Variants in DNAH9 observed in about 807,000 individuals in gnomAD.
The protein encoded by DNAH9 is dynein axonemal heavy chain 9, also known as DNAH9 variant protein.
In DNAH9, 345 loss-of-function variants were observed where a neutral mutation model predicts 471.6. The ratio of observed to expected loss-of-function variants is 0.73; its 90% confidence interval spans 0.67 to 0.80. DNAH9 has a LOEUF of 0.80. DNAH9 is among the 30% of genes least tolerant of loss of function. The pLI, the probability that DNAH9 is intolerant of heterozygous loss-of-function variation, is 0.00. For synonymous variants in DNAH9, 2,093 were observed against 2,123.6 expected (o/e 0.99, Z 0.40); for missense variants, 5,407 against 5,609.2 (o/e 0.96, Z 1.15).
rs905085984 is a variant in DNAH9 at position 11,921,580 on chromosome 17, T to G, written c.11750-2234T>G. Among the ~76,000 whole-genome samples the G allele has an allele frequency of 6.6e-5, 10 of 152,238 alleles. No homozygotes were observed. The East Asian group carries it at 1.9e-3, about 30-fold the overall frequency. On this transcript the variant is annotated intron_variant, in intron 61 of 68. Coordinates refer to ENST00000262442, the MANE Select transcript of DNAH9 (RefSeq NM_001372.4). ...ATCTGAAGGTGAAATCCTGAGACAC[T>G]GGAGGGACTTGCTCAAGGCCCAATA...
intron 19 of DNAH9, among the ~76,000 whole-genome samples, chr17:11,681,472 G>A (rs114522365): frequency 6.6e-6 from 1 of 152,242 alleles, no homozygotes; most frequent in African/African-American, 2.4e-5. Flanking sequence ...ATTTCCTCCC[G>A]TGGTGAAGCG....
Position 11,690,061 on chromosome 17 carries a change from G to T in DNAH9, c.4239G>T (p.Leu1413=). The change falls in exon 20 of 69, where the codon CTG becomes CTT. Residue 1413 remains leucine, a synonymous_variant. Transcript: ENST00000262442. ...TTLAHLLQLQ[L]HHYEDEVRGI... is the part of the protein sequence containing the mutation. ...TAGCGCACCTGCTGCAGCTCCAGCT[G>T]CACCACTATGAGGATGAGGTCCGGG... The T allele has an allele frequency of 6.2e-7, 1 of 1,614,200 alleles. No homozygotes were observed. The highest frequency in any genetic ancestry group is 8.5e-7 in the Non-Finnish European group (1 of 1,180,020).
intron 36 of DNAH9, among the ~76,000 whole-genome samples, chr17:11,766,133 C>T (rs991144472): frequency 6.6e-6 from 1 of 152,120 alleles, no homozygotes; most frequent in Non-Finnish European, 1.5e-5. Context: ...CAGACCCCTA[C>T]ACTGCCTGCA....
intron 41 of DNAH9, among the ~76,000 whole-genome samples, chr17:11,789,790 T>G (rs188478851): frequency 6.6e-6 from 1 of 152,162 alleles, no homozygotes; most frequent in Non-Finnish European, 1.5e-5. Context: ...TCATTAATTG[T>G]CATCCTTTGT....
chr17:11,655,771 C>T (rs769951533), intron 14 of DNAH9, among the ~76,000 whole-genome samples: 4 of 151,872 alleles, frequency 2.6e-5, no homozygotes, highest in Non-Finnish European at 4.4e-5. Flanking sequence ...GAATGGAAAA[C>T]CAAACATTGT....
chr17:11,828,723 G>A (rs1191472077), intron 48 of DNAH9, among the ~76,000 whole-genome samples: 2 of 152,020 alleles, frequency 1.3e-5, no homozygotes, highest in African/African-American at 4.8e-5. Flanking sequence ...ATCTTTACAT[G>A]TACCCCCACC....
chr17:11,792,604 A>G (rs2150907409), intron 41 of DNAH9, among the ~76,000 whole-genome samples: 1 of 152,290 alleles, frequency 6.6e-6, no homozygotes, highest in African/African-American at 2.4e-5. Flanking sequence ...TTTGAAACCA[A>G]CCCTGTGGCA....
At chr17:11,911,817 A>G (rs1268139520) in intron 61 of DNAH9, among the ~76,000 whole-genome samples, 2 of 151,982 alleles carry the variant, frequency 1.3e-5, no homozygotes, top group African/African-American at 4.8e-5. Context: ...TATTCCCAAG[A>G]CTTTTTTCTT....
intron 8 of DNAH9, 54 bp from the exon 9 acceptor site, chr17:11,636,580 T>A (rs1276809166): frequency 2.0e-6 from 3 of 1,467,274 alleles, no homozygotes; most frequent in Non-Finnish European, 2.8e-6. Context: ...TGTATAACCA[T>A]GGAAAGGTTT....
At chr17:11,646,636 G>A (rs549122815) in intron 11 of DNAH9, among the ~76,000 whole-genome samples, 2 of 152,096 alleles carry the variant, frequency 1.3e-5, no homozygotes, top group Admixed American at 6.5e-5. Flanking sequence ...GGCTATGGCC[G>A]GGTGCAGTGG....
Position 11,647,052 on chromosome 17 carries a change from G to A in DNAH9, c.1971-20G>A, listed in dbSNP as rs767733962. 5.6e-6 allele frequency: 9 copies of A among 1,611,734 alleles called. No individual in the cohort carries two copies. The African/African-American group carries it at 9.4e-5, about 17-fold the overall frequency. ...CTGGGAGGGGGCTTATGAGGTGGCT[G>A]TTGTCTCTGACCCTTGCAGGTATGA... On this transcript the variant is annotated intron_variant, in intron 11 of 68. Transcript: ENST00000262442.
rs565651659 is a variant in DNAH9 at position 11,874,101 on chromosome 17, T to C, written c.10243-848T>C. Among the ~76,000 whole-genome samples the C allele has an allele frequency of 7.9e-5, 12 of 151,954 alleles. No homozygotes were observed. The East Asian group carries it at 2.3e-3, about 30-fold the overall frequency. On this transcript the variant is annotated intron_variant, in intron 52 of 68. Coordinates refer to ENST00000262442, the MANE Select transcript of DNAH9 (RefSeq NM_001372.4). ...CTCTACTAAAAACACAAAAATTAGC[T>C]GGGTGTGGTGGCAGGCACCTGTAAT...
At chr17:11,774,969 C>CATA (rs1369237491) in intron 38 of DNAH9, among the ~76,000 whole-genome samples, 1 of 151,986 alleles carries the variant, frequency 6.6e-6, no homozygotes, top group Non-Finnish European at 1.5e-5. Flanking sequence ...AAATAATGAA[C>CATA]ATAACCGTCA....
chr17:11,689,522 C>T (rs748397557), intron 19 of DNAH9, 44 bp from the exon 20 acceptor site: 2 of 1,534,640 alleles, frequency 1.3e-6, no homozygotes, highest in African/African-American at 1.4e-5. Flanking sequence ...AGGAGATGGG[C>T]CCCTGCGTGC....
At chr17:11,684,094 G>A (rs1405933173) in intron 19 of DNAH9, among the ~76,000 whole-genome samples, 1 of 152,096 alleles carries the variant, frequency 6.6e-6, no homozygotes, top group Non-Finnish European at 1.5e-5. Context: ...GTGAATTCAA[G>A]TTTGAGTTTA....
chr17:11,932,352 C>T lies in DNAH9; in HGVS notation c.12297+147C>T, dbSNP rs1974546838. 7.2e-6 allele frequency: 6 copies of T among 831,486 alleles called. No individual in the cohort carries two copies. Among genetic ancestry groups the T allele is most frequent in the South Asian group, 3.9e-5 (2 of 51,756 alleles). 51.5% of individuals were successfully genotyped at this position (831,486 alleles called of 1,614,324 possible). ...CCTCGTGATGCAGATGCTGCTGATT[C>T]GGGGACCATAATTTAAGAGTGTAAC... On this transcript the variant is annotated intron_variant, in intron 64 of 68. Transcript: ENST00000262442. This position sits in a 1 kb window ranked among gnomAD's most constrained non-coding sequence, Gnocchi z 4.3.
rs1027546916 is a variant in DNAH9 at position 11,892,178 on chromosome 17, C to G, written c.11283+231C>G. ...CATCATTGTACTTTTTCTTGCTGAT[C>G]CTGGAAGATCTAAGATCTTCCTCAG... On this transcript the variant is annotated intron_variant, in intron 58 of 68. Transcript: ENST00000262442. The surrounding 1 kb of genome is among the most constrained non-coding windows in gnomAD (Gnocchi z 4.3). Among the ~76,000 whole-genome samples the G allele has an allele frequency of 6.6e-6, 1 of 152,084 alleles. No individual in the cohort carries two copies. Among genetic ancestry groups the G allele is most frequent in the Non-Finnish European group, 1.5e-5 (1 of 68,024 alleles).
chr17:11,641,863 G>A (rs2073280140), intron 10 of DNAH9, among the ~76,000 whole-genome samples: 1 of 152,158 alleles, frequency 6.6e-6, no homozygotes, highest in African/African-American at 2.4e-5. Flanking sequence ...AACAGATCGG[G>A]CAGAGAAAGA....
chr17:11,640,810 G>T (rs2073257349), intron 10 of DNAH9, among the ~76,000 whole-genome samples: 1 of 152,158 alleles, frequency 6.6e-6, no homozygotes, highest in African/African-American at 2.4e-5. Context: ...TGTTAAAGAT[G>T]CACATTCCAG....
Sources: allele counts gnomAD v4.1 joint callset (sites outside exome capture counted in the v4.1 genomes callset), GRCh38; gene constraint gnomAD v4.1.1; non-coding constraint Gnocchi (gnomAD v3.1); transcripts MANE v1.5; gene names NCBI Gene and HGNC (gene_info 2026-07-23, HGNC 2026-07-21).